Variants in CNIH3 observed in about 807,000 individuals in gnomAD.
The protein encoded by CNIH3 is cornichon family AMPA receptor auxiliary protein 3.
Under a neutral mutation model 24.1 loss-of-function variants are expected in CNIH3, and 14 were observed. The ratio of observed to expected loss-of-function variants is 0.58; its 90% confidence interval spans 0.38 to 0.91. The LOEUF (loss-of-function observed/expected upper bound fraction) is 0.91, where lower values mean the gene tolerates loss of function less well. CNIH3 is among the 40% of genes least tolerant of loss of function. The pLI, the probability that CNIH3 is intolerant of heterozygous loss-of-function variation, is 0.00. For synonymous variants in CNIH3, 68 were observed against 73.8 expected, an observed-to-expected ratio of 0.92 and a Z score of 0.40; for missense variants, 178 against 196.8, an observed-to-expected ratio of 0.90 and a Z score of 0.57.
At chr1:224,538,646 T>C (rs1384350951), downstream of CNIH3, among the ~76,000 whole-genome samples, 2 of 138,160 alleles carry the variant, frequency 1.4e-5, no homozygotes, top group Non-Finnish European at 3.0e-5. Context: ...TCCTCCTCCT[T>C]CTCTCTCTCT....
At chr1:224,625,797 G>A (rs1683496921) in intron 1 of CNIH3, among the ~76,000 whole-genome samples, 1 of 152,202 alleles carries the variant, frequency 6.6e-6, no homozygotes, top group South Asian at 2.1e-4. Flanking sequence ...GATGGTGACT[G>A]TAGCCCAGCA....
chr1:224,454,439 A>T, intron 1 of CNIH3: 1 of 491,126 alleles, frequency 2.0e-6, no homozygotes, highest in Non-Finnish European at 2.6e-6. Context: ...TCTTGTTTCT[A>T]TTGGTGTAGT....
At chr1:224,619,941 T>C (rs1003624105) in intron 1 of CNIH3, among the ~76,000 whole-genome samples, 1 of 152,262 alleles carries the variant, frequency 6.6e-6, no homozygotes, top group Non-Finnish European at 1.5e-5. Context: ...GGGTGTCTGC[T>C]GTAGGACAAG....
At chr1:224,597,434 C>T (rs1002518433) in intron 3 of CNIH3, among the ~76,000 whole-genome samples, 6 of 152,318 alleles carry the variant, frequency 3.9e-5, no homozygotes, top group South Asian at 2.1e-4. Flanking sequence ...AGACAGGCCT[C>T]GCTAGGTTTC....
At chr1:224,631,822 ACTT>A (rs1344354926) in intron 1 of CNIH3, among the ~76,000 whole-genome samples, 4 of 152,106 alleles carry the variant, frequency 2.6e-5, no homozygotes, top group Non-Finnish European at 1.5e-5. Flanking sequence ...GGCACTAACT[ACTT>A]CTTTTTTTTC....
intron 4 of CNIH3, among the ~76,000 whole-genome samples, chr1:224,581,035 G>A (rs982070147): frequency 6.6e-6 from 1 of 152,136 alleles, no homozygotes; most frequent in African/African-American, 2.4e-5. Flanking sequence ...GGAAACATAT[G>A]GCCTCTATCT....
rs747244140 is a variant in CNIH3 at position 224,684,839 on chromosome 1, G to A, written c.194G>A (p.Arg65Gln). The change falls in exon 3 of 6, where the codon CGA (arginine) becomes CAA (glutamine). Residue 65 changes from arginine (R) to glutamine (Q), a missense_variant. By Grantham distance (43) the Arg-to-Gln change is conservative (BLOSUM62 1). Transcript: ENST00000272133. This position sits in a 1 kb window ranked among gnomAD's most constrained non-coding sequence, Gnocchi z 4.2. ...ATCGAGCGCATCTGCTTCCTTCTGC[G>A]AAAGGTCAGTGTGGCAGCTTCATGC... ...RNIERICFLL[R>Q]KLVLPEYSIH... 4 of 1,614,038 alleles carry A rather than the reference G, an allele frequency of 2.5e-6. No homozygotes were observed. Among genetic ancestry groups the A allele is most frequent in the East Asian group, 4.5e-5 (2 of 44,882 alleles).
At chr1:224,705,664 C>G (rs950170442) in intron 3 of CNIH3, among the ~76,000 whole-genome samples, 31 of 152,092 alleles carry the variant, frequency 2.0e-4, no homozygotes, top group African/African-American at 7.5e-4. Context: ...GGTGTCTGTT[C>G]TCTCTGTAGC....
chr1:224,454,165 C>A, intron 1 of CNIH3: 1 of 337,780 alleles, frequency 3.0e-6, no homozygotes, highest in Non-Finnish European at 4.2e-6. Context: ...CCCAAAATGT[C>A]CCTTACTCAT....
In CNIH3 at chr1:224,604,221, A is replaced by G. The variant is rs549770540; in HGVS notation, n.402+37957A>G. Among the ~76,000 whole-genome samples the G allele has an allele frequency of 1.3e-5, 2 of 152,382 alleles. No individual in the cohort carries two copies. Among genetic ancestry groups the G allele is most frequent in the African/African-American group, 2.4e-5 (1 of 41,590 alleles). On this transcript the variant is annotated intron_variant and non_coding_transcript_variant, in intron 3 of 7. Coordinates refer to the CNIH3 transcript ENST00000478120. This position sits in a 1 kb window ranked among gnomAD's most constrained non-coding sequence, Gnocchi z 4.4. ...TTAATAAATTCTACTGATTATTGCA[A>G]TAGCCGTTATATGATTTGCCAATCA...
chr1:224,706,893 T>A (rs903189033), intron 3 of CNIH3, among the ~76,000 whole-genome samples: 1 of 151,994 alleles, frequency 6.6e-6, no homozygotes, highest in African/African-American at 2.4e-5. Context: ...TGTGGATAAT[T>A]TTTCATATTA....
At chr1:224,714,281 A>G (rs1467690125) in intron 3 of CNIH3, among the ~76,000 whole-genome samples, 1 of 152,240 alleles carries the variant, frequency 6.6e-6, no homozygotes, top group African/African-American at 2.4e-5. Flanking sequence ...GTTTCAGAAC[A>G]GTGTCACAAA....
At position 224,692,810 on chromosome 1, in the gene CNIH3, A is replaced by G. The variant is rs541948075; in HGVS notation, c.198+7967A>G. ...CAGAGTCCACATTTCTGATCACCAC[A>G]TTATAAGGGAGATTGCTGCTTCTTT... On this transcript the variant is annotated intron_variant, in intron 3 of 5. Coordinates refer to ENST00000272133, the MANE Select transcript of CNIH3 (RefSeq NM_152495.2). Among the ~76,000 whole-genome samples, 5 of 152,312 alleles carry G rather than the reference A, an allele frequency of 3.3e-5. No homozygotes were observed. The East Asian group carries it at 7.7e-4, about 23-fold the overall frequency.
At chr1:224,572,870 T>C (rs974779092) in intron 4 of CNIH3, among the ~76,000 whole-genome samples, 10 of 152,172 alleles carry the variant, frequency 6.6e-5, no homozygotes, top group African/African-American at 2.4e-4. Flanking sequence ...TTCTTGTTGT[T>C]GTTGTTGAGA....
At chr1:224,602,539 G>A (rs1682249316) in intron 3 of CNIH3, among the ~76,000 whole-genome samples, 1 of 152,154 alleles carries the variant, frequency 6.6e-6, no homozygotes, top group African/African-American at 2.4e-5. Flanking sequence ...TAAGTTGTCT[G>A]GGAAGAATAA....
intron 1 of CNIH3, among the ~76,000 whole-genome samples, chr1:224,498,768 G>C (rs1031884746): frequency 6.6e-6 from 1 of 152,206 alleles, no homozygotes; most frequent in South Asian, 2.1e-4. Context: ...GGGAAGATGC[G>C]GGGGGCAAGG....
At chr1:224,675,334 C>G (rs1326572065) in intron 1 of CNIH3, among the ~76,000 whole-genome samples, 1 of 152,122 alleles carries the variant, frequency 6.6e-6, no homozygotes, top group African/African-American at 2.4e-5. Flanking sequence ...GTAGTTTAAA[C>G]CTTCCTAAAG....
chr1:224,443,600 G>T (rs1675009383), intron 1 of CNIH3, among the ~76,000 whole-genome samples: 1 of 151,982 alleles, frequency 6.6e-6, no homozygotes, highest in South Asian at 2.1e-4. Context: ...GCTACCTAGA[G>T]ACCTTACCTT....
chr1:224,478,827 T>C (rs184176142), intron 1 of CNIH3, among the ~76,000 whole-genome samples: 1 of 152,316 alleles, frequency 6.6e-6, no homozygotes, highest in Admixed American at 6.5e-5. Context: ...TTCACAATCA[T>C]GGCAGAAGGC....
Sources: gnomAD v4.1 joint callset for allele counts (sites outside exome capture counted in the v4.1 genomes callset) on GRCh38, gnomAD v4.1.1 for gene constraint, Gnocchi (gnomAD v3.1) non-coding constraint, MANE v1.5 for transcripts, NCBI Gene and HGNC (gene_info 2026-07-23, HGNC 2026-07-21) for gene names.